Variants in TTC39A observed in about 807,000 individuals in gnomAD.
The protein encoded by TTC39A is tetratricopeptide repeat protein 39A.
Under a neutral mutation model 82.3 loss-of-function variants are expected in TTC39A, and 46 were observed. That is an observed-to-expected ratio of 0.56 (90% CI 0.44 to 0.71). The LOEUF is 0.71. Among genes scored for constraint, TTC39A ranks in the 30% least tolerant of loss-of-function variants. TTC39A has a pLI of 0.00. For missense variants in TTC39A, 543 were observed against 712.9 expected, an observed-to-expected ratio of 0.76 and a Z score of 2.71; for synonymous variants, 254 against 275.2, an observed-to-expected ratio of 0.92 and a Z score of 0.76.
chr1:51,328,074 G>A (rs1223412715), intron 1 of TTC39A, among the ~76,000 whole-genome samples: 6 of 152,300 alleles, frequency 3.9e-5, no homozygotes, highest in East Asian at 1.9e-4. Flanking sequence ...TGGGCCAGGC[G>A]CAGTGGCTTA....
At chr1:51,337,748 C>T (rs1045660374) in intron 1 of TTC39A, among the ~76,000 whole-genome samples, 1 of 152,030 alleles carries the variant, frequency 6.6e-6, no homozygotes, top group African/African-American at 2.4e-5. Context: ...AAAATTGAAC[C>T]CCTGCCTCCA....
intron 16 of TTC39A, among the ~76,000 whole-genome samples, chr1:51,289,664 G>A (rs1404901689): frequency 6.6e-6 from 1 of 152,228 alleles, no homozygotes; most frequent in Non-Finnish European, 1.5e-5. Flanking sequence ...GCCCTGACGA[G>A]CCTTGGTTGG....
At chr1:51,307,559 C>A (rs935336514) in intron 6 of TTC39A, among the ~76,000 whole-genome samples, 1 of 151,984 alleles carries the variant, frequency 6.6e-6, no homozygotes, top group Non-Finnish European at 1.5e-5. Flanking sequence ...TGTGGTGAAA[C>A]CCCATCTCTA....
intron 7 of TTC39A, chr1:51,305,522 C>T (rs1644835238): frequency 3.2e-6 from 1 of 312,544 alleles, no homozygotes; most frequent in South Asian, 3.3e-5. Context: ...AGCACAGATG[C>T]TCACCCCCTC....
In TTC39A at chr1:51,330,131, A is replaced by C; in HGVS notation, c.41+306T>G. 4 of 985,414 alleles carry C rather than the reference A, an allele frequency of 4.1e-6. No homozygotes were observed. Among genetic ancestry groups the C allele is most frequent in the Non-Finnish European group, 4.8e-6 (4 of 829,924 alleles). The allele number at this position is 985,414 out of a possible 1,614,324, so 61.0% of individuals were successfully genotyped here. On this transcript the variant is annotated intron_variant, in intron 1 of 17. Transcript: ENST00000680483. The surrounding 1 kb of genome is among the most constrained non-coding windows in gnomAD (Gnocchi z 4.5). ...AGAGTAACAGGGCCCACCCCACAGG[A>C]GTGAACGCCACGAGGCAGGTGGGGA...
chr1:51,313,083 C>A, intron 2 of TTC39A, 140 bp from the exon 3 acceptor site: 1 of 1,137,854 alleles, frequency 8.8e-7, no homozygotes. Context: ...GGGCCTTGGC[C>A]AGGTCTAATC....
Position 51,294,332 on chromosome 1 carries a change from C to G in TTC39A, c.1266+59G>C. The G allele has an allele frequency of 6.2e-7, 1 of 1,607,616 alleles. No homozygotes were observed. The highest frequency in any genetic ancestry group is 1.3e-5 in the African/African-American group (1 of 74,928). Reference sequence around the variant, plus strand: ...TCCACCTCCCCCTGGCTGTGGCTCTCAGTGAATCCCCACAATCCTATACCC... The same window carrying G: ...TCCACCTCCCCCTGGCTGTGGCTCTGAGTGAATCCCCACAATCCTATACCC... On this transcript the variant is annotated intron_variant, in intron 14 of 17. Transcript: ENST00000680483. The surrounding 1 kb of genome is among the most constrained non-coding windows in gnomAD (Gnocchi z 4.3).
upstream of TTC39A, chr1:51,331,445 A>T: frequency 7.1e-7 from 1 of 1,411,028 alleles, no homozygotes; most frequent in Non-Finnish European, 9.2e-7. Flanking sequence ...CTGCCATTAG[A>T]GCTGTCCCTT....
At chr1:51,332,621 G>A (rs1191447570), upstream of TTC39A, among the ~76,000 whole-genome samples, 3 of 152,234 alleles carry the variant, frequency 2.0e-5, no homozygotes, top group African/African-American at 7.2e-5. Flanking sequence ...TTGCTGTGCT[G>A]TTGTTACAGC....
intron 3 of TTC39A, 122 bp from the exon 4 acceptor site, chr1:51,312,317 C>A: frequency 1.0e-6 from 1 of 995,516 alleles, no homozygotes; most frequent in Non-Finnish European, 1.5e-6. Context: ...AGAACACAGG[C>A]TTAGAGGTCA....
rs892086599 is a variant in TTC39A at position 51,345,000 on chromosome 1, C to T, written c.44G>A (p.Ser15Asn). 6 of 1,524,308 alleles carry T rather than the reference C, an allele frequency of 3.9e-6. No homozygotes were observed. In the Admixed American group the frequency reaches 6.1e-5, roughly 16 times the overall value. The allele number at this position is 1,524,308 out of a possible 1,614,324, so 94.4% of individuals were successfully genotyped here. A position where few individuals can be genotyped will look rare whatever the true frequency, so the allele number is the denominator to read the frequency against. Residue 15 changes from serine to asparagine, a missense_variant, in exon 1 of 6, where the codon AGC (serine) becomes AAC (asparagine). Transcript: ENST00000401051. ...CACCCCTGCCCGGTACCTGCGGTCG[C>T]TTTTCCCGGAGGCCGCCTCCTTCCA... is the stretch of plus-strand genomic sequence containing the variant.
At chr1:51,301,301 G>C in intron 12 of TTC39A, 1 of 373,360 alleles carries the variant, frequency 2.7e-6, no homozygotes, top group East Asian at 4.1e-5. Context: ...CAGTGCATAA[G>C]TAGAACATTT....
chr1:51,316,705 G>A (rs777161261), intron 2 of TTC39A, among the ~76,000 whole-genome samples: 1 of 152,176 alleles, frequency 6.6e-6, no homozygotes, highest in Non-Finnish European at 1.5e-5. Context: ...CTTGGCAGGT[G>A]ACCTTGCCTC....
chr1:51,295,677 A>ACT (rs1644387888), intron 13 of TTC39A: 1 of 212,318 alleles, frequency 4.7e-6, no homozygotes, highest in African/African-American at 2.2e-5. Flanking sequence ...GGCTGGGTTT[A>ACT]CTCTTGTTTG....
intron 1 of TTC39A, among the ~76,000 whole-genome samples, chr1:51,340,322 G>A (rs188403502): frequency 1.3e-5 from 2 of 152,324 alleles, no homozygotes; most frequent in East Asian, 3.9e-4. Flanking sequence ...ACTCAGGAGA[G>A]TGGTGGGTGG....
intron 1 of TTC39A, among the ~76,000 whole-genome samples, chr1:51,328,614 G>A (rs1645800117): frequency 6.6e-6 from 1 of 152,206 alleles, no homozygotes; most frequent in African/African-American, 2.4e-5. Flanking sequence ...TAATTCTGGA[G>A]AGGGAAGGAG....
rs576417469 is a variant in TTC39A, at chr1:51,302,480, G to C, written c.831+26C>G. The C allele has an allele frequency of 3.1e-6, 5 of 1,607,964 alleles. 1 individual carries two copies. The South Asian group carries it at 5.6e-5, about 18-fold the overall frequency. ...GGTCTGTGGGTGTTTGTGGGCTGGG[G>C]GTACCGGGCAGCACATGGGGCTCAC... is the stretch of plus-strand genomic sequence containing the variant. On this transcript the variant is annotated intron_variant, in intron 10 of 17. Coordinates refer to ENST00000680483, the MANE Select transcript of TTC39A (RefSeq NM_001297663.2).
chr1:51,320,864 T>A (rs867261328), intron 2 of TTC39A, among the ~76,000 whole-genome samples: 39 of 149,898 alleles, frequency 2.6e-4, no homozygotes, highest in Admixed American at 1.1e-3. Flanking sequence ...TCAGTAGATG[T>A]TTTCTGGTTT....
In TTC39A at chr1:51,288,364, C is replaced by T. The variant is rs1030084426; in HGVS notation, c.1611-84G>A. Reference sequence around the variant, plus strand: ...TCCTGTTTGAGCTGTATGAGCCCCGCGAGCCAAGGAAGGATTGTAGAGAAA... The same window carrying T: ...TCCTGTTTGAGCTGTATGAGCCCCGTGAGCCAAGGAAGGATTGTAGAGAAA... On this transcript the variant is annotated intron_variant, in intron 17 of 17. Coordinates refer to ENST00000680483, the MANE Select transcript of TTC39A (RefSeq NM_001297663.2). The surrounding 1 kb of genome is among the most constrained non-coding windows in gnomAD (Gnocchi z 4.8). 46 of 1,590,458 alleles carry T rather than the reference C, an allele frequency of 2.9e-5. No homozygotes were observed. In the African/African-American group the frequency reaches 4.6e-4, roughly 16 times the overall value.
Sources: gnomAD v4.1 joint callset for allele counts (sites outside exome capture counted in the v4.1 genomes callset) on GRCh38, gnomAD v4.1.1 for gene constraint, Gnocchi (gnomAD v3.1) non-coding constraint, MANE v1.5 for transcripts, NCBI Gene and HGNC (gene_info 2026-07-23, HGNC 2026-07-21) for gene names.